MAGI1: variants seen among roughly 807,000 people sequenced by gnomAD.
MAGI1 encodes membrane associated guanylate kinase, WW and PDZ domain containing 1.
Under a neutral mutation model 139.9 loss-of-function variants are expected in MAGI1, and 58 were observed. That is an observed-to-expected ratio of 0.41 (90% CI 0.34 to 0.52). MAGI1 has a LOEUF of 0.52. Among genes scored for constraint, MAGI1 ranks in the 20% least tolerant of loss-of-function variants. The probability of loss-of-function intolerance (pLI) is 0.12; values close to 1 mark genes in which losing one functional copy is unlikely to be tolerated. For missense variants in MAGI1, 1,874 were observed against 1,901.6 expected, an observed-to-expected ratio of 0.99 and a Z score of 0.27; for synonymous variants, 812 against 737.9, an observed-to-expected ratio of 1.10 and a Z score of -1.63.
chr3:66,021,673 G>A (rs1449165884), intron 1 of MAGI1, among the ~76,000 whole-genome samples: 3 of 152,146 alleles, frequency 2.0e-5, no homozygotes, highest in Non-Finnish European at 4.4e-5. Flanking sequence ...TTCTGATCCC[G>A]TAGGTCTGGG....
At position 65,680,792 on chromosome 3, in the gene MAGI1, T is replaced by C. The variant is rs113154680; in HGVS notation, c.314-58704A>G. ...TGATATGATATGATATGATATGATATGATATACTTTAATAATTATTAAAAT... is the reference window on the plus strand; with the variant it reads ...TGATATGATATGATATGATATGATACGATATACTTTAATAATTATTAAAAT... On this transcript the variant is annotated intron_variant, in intron 1 of 22. Coordinates refer to ENST00000402939, the MANE Select transcript of MAGI1 (RefSeq NM_001033057.2). Among the ~76,000 whole-genome samples the C allele has an allele frequency of 7.3e-5, 10 of 136,900 alleles. No homozygotes were observed. In the East Asian group the frequency reaches 1.9e-3, roughly 26 times the overall value. 89.8% of individuals were successfully genotyped at this position (136,900 alleles called of 152,430 possible). A position where few individuals can be genotyped will look rare whatever the true frequency, so the allele number is the denominator to read the frequency against.
At position 65,382,074 on chromosome 3, in the gene MAGI1, T is replaced by G. The variant is rs777252403; in HGVS notation, c.2509-5A>C. 2 of 1,596,332 alleles carry G rather than the reference T, an allele frequency of 1.3e-6. No individual in the cohort carries two copies. Among genetic ancestry groups the G allele is most frequent in the Non-Finnish European group, 1.7e-6 (2 of 1,169,466 alleles). On this transcript the variant is annotated splice_polypyrimidine_tract_variant and splice_region_variant and intron_variant, in intron 15 of 22. Coordinates refer to ENST00000402939, the MANE Select transcript of MAGI1 (RefSeq NM_001033057.2). ...TACGATGTGACCAATATAAATCTGT[T>G]GAGTAATTGAACGATGGATGAAACA...
rs143822050 is a variant in MAGI1 at position 65,749,441 on chromosome 3, C to T, written c.314-127353G>A. Among the ~76,000 whole-genome samples, 511 of 152,156 alleles carry T rather than the reference C, an allele frequency of 3.4e-3. 1 individual carries two copies. The highest frequency in any genetic ancestry group is 4.7e-3 in the Non-Finnish European group (318 of 68,012). ...CAGGAATGGAAAACCAAACATCATACGTTCTCACTCATAAGTGGGAGCTAA... is the reference window on the plus strand; with the variant it reads ...CAGGAATGGAAAACCAAACATCATATGTTCTCACTCATAAGTGGGAGCTAA... On this transcript the variant is annotated intron_variant, in intron 1 of 22. Transcript: ENST00000402939.
chr3:65,536,427 G>C (rs1357766581), intron 2 of MAGI1, among the ~76,000 whole-genome samples: 1 of 152,132 alleles, frequency 6.6e-6, no homozygotes, highest in African/African-American at 2.4e-5. Flanking sequence ...CTGGGTATTT[G>C]TACAAAAAAG....
At chr3:65,841,441 GTTTTTGTTTTTGTT>G (rs950485952) in intron 1 of MAGI1, among the ~76,000 whole-genome samples, 12 of 114,088 alleles carry the variant, frequency 1.1e-4, no homozygotes, top group South Asian at 8.9e-4. Flanking sequence ...TTTTGTTTTT[GTTTTTGTTTTTGTT>G]TTTTTTTTGA....
intron 1 of MAGI1, among the ~76,000 whole-genome samples, chr3:65,715,215 G>A (rs2032083145): frequency 6.6e-6 from 1 of 152,186 alleles, no homozygotes; most frequent in African/African-American, 2.4e-5. Context: ...ACTCTCATCA[G>A]ATGCTAAATT....
intron 1 of MAGI1, among the ~76,000 whole-genome samples, chr3:65,880,908 C>CGTGTGTGTGTGTGTGT (rs11271375): frequency 0.019 from 2,694 of 145,618 alleles, 50 homozygotes; most frequent in Middle Eastern, 0.042. Context: ...ATATCTCTGG[C>CGTGTGTGTGTGTGTGT]GTGTGTGTGT....
Position 65,685,741 on chromosome 3 carries a change from AGAG to A in MAGI1, c.314-63656_314-63654del, listed in dbSNP as rs201113376. Among the ~76,000 whole-genome samples the A allele has an allele frequency of 8.3e-3, 1,264 of 152,318 alleles. 19 individuals carry two copies. Among genetic ancestry groups the A allele is most frequent in the African/African-American group, 0.029 (1,189 of 41,570 alleles). Reference sequence around the variant, plus strand: ...AAGGCTTTCAGGAAAACTGAACTTCAGAGGAGTATGTTGCTCTGAATAACTGCT... The same window carrying A: ...AAGGCTTTCAGGAAAACTGAACTTCAGAGTATGTTGCTCTGAATAACTGCT... On this transcript the variant is annotated intron_variant, in intron 1 of 22. Transcript: ENST00000402939.
chr3:65,723,205 TAGG>T (rs1235491977), intron 1 of MAGI1, among the ~76,000 whole-genome samples: 1 of 152,174 alleles, frequency 6.6e-6, no homozygotes, highest in South Asian at 2.1e-4. Context: ...AGAGTGCAGC[TAGG>T]AGTGAAACCC....
intron 2 of MAGI1, chr3:65,549,571 C>CCGCT (rs2079715160): frequency 5.3e-6 from 4 of 750,746 alleles, no homozygotes; most frequent in Non-Finnish European, 6.5e-6. Flanking sequence ...TGTCCCCAGC[C>CCGCT]CGCTCGGGCG....
At chr3:66,022,948 G>A (rs1340378354) in intron 1 of MAGI1, among the ~76,000 whole-genome samples, 1 of 152,126 alleles carries the variant, frequency 6.6e-6, no homozygotes, top group Non-Finnish European at 1.5e-5. Flanking sequence ...AATTTAACCT[G>A]GGATCGCCCA....
intron 13 of MAGI1, 42 bp downstream of exon 13, chr3:65,401,392 CATCCA>C: frequency 1.3e-6 from 2 of 1,559,454 alleles, no homozygotes; most frequent in African/African-American, 1.4e-5. Context: ...AGCCCCCCAC[CATCCA>C]CCCCAGCCCC....
At chr3:65,772,491 C>A (rs751647633) in intron 1 of MAGI1, among the ~76,000 whole-genome samples, 5 of 152,140 alleles carry the variant, frequency 3.3e-5, no homozygotes, top group Non-Finnish European at 7.4e-5. Flanking sequence ...CCTAACTGAG[C>A]CAACTGAGTT....
At position 65,382,564 on chromosome 3, in the gene MAGI1, C is replaced by T. The variant is rs376523822; in HGVS notation, c.2509-495G>A. The stretch of plus-strand genomic sequence containing the variant: ...TCTTTTAGCACCCGAAAGCAGAGCA[C>T]TCTTTATAGTTAGTGTCTTGCTGTT... On this transcript the variant is annotated intron_variant, in intron 15 of 22. Transcript: ENST00000402939. 1.4e-3 allele frequency among the ~76,000 whole-genome samples: 214 copies of T among 152,318 alleles called. 1 individual carries two copies. The highest frequency in any genetic ancestry group is 2.5e-3 in the South Asian group (12 of 4,834).
chr3:65,925,207 T>C (rs554527762), intron 1 of MAGI1: 1 of 152,224 alleles, frequency 6.6e-6, no homozygotes, highest in African/African-American at 2.4e-5. Flanking sequence ...CCTGTTTAAG[T>C]CACCTTTAGA....
At chr3:65,680,797 TA>T (rs201444283) in intron 1 of MAGI1, among the ~76,000 whole-genome samples, 53 of 152,044 alleles carry the variant, frequency 3.5e-4, no homozygotes, top group African/African-American at 1.3e-3. Context: ...TGATATGATA[TA>T]CTTTAATAAT....
Position 65,363,516 on chromosome 3 carries a change from A to G in MAGI1, c.3444T>C (p.Tyr1148=). ...RGGREYNMDL[Y]VLRLAEDGPA... Reference sequence around the variant, plus strand: ...GACCGTCCTCTGCTAAGCGCAGAACATAGAGGTCCATGTTATACTCTCGGC... The same window carrying G: ...GACCGTCCTCTGCTAAGCGCAGAACGTAGAGGTCCATGTTATACTCTCGGC... Residue 1148 remains tyrosine, a synonymous_variant, in exon 21 of 23, where the codon TAT becomes TAC. Coordinates refer to ENST00000402939, the MANE Select transcript of MAGI1 (RefSeq NM_001033057.2). 6.2e-7 allele frequency: 1 copy of G among 1,614,118 alleles called. No homozygotes were observed. The highest frequency in any genetic ancestry group is 2.2e-5 in the East Asian group (1 of 44,866).
chr3:65,765,210 TA>T (rs2037366745), intron 1 of MAGI1, among the ~76,000 whole-genome samples: 1 of 152,180 alleles, frequency 6.6e-6, no homozygotes, highest in African/African-American at 2.4e-5. Flanking sequence ...TGTTGTAGAA[TA>T]AAAACATTTG....
chr3:65,744,787 T>G (rs565791833), intron 1 of MAGI1, among the ~76,000 whole-genome samples: 35 of 152,156 alleles, frequency 2.3e-4, no homozygotes, highest in Non-Finnish European at 5.0e-4. Context: ...GTTTTCCCTT[T>G]TTAAAAATTA....
Sources: gnomAD v4.1 joint callset for allele counts (sites outside exome capture counted in the v4.1 genomes callset) on GRCh38, gnomAD v4.1.1 for gene constraint, MANE v1.5 for transcripts, NCBI Gene and HGNC (gene_info 2026-07-23, HGNC 2026-07-21) for gene names.